The following MYCBP2 variants were observed in gnomAD, a reference collection of about 807,000 sequenced individuals.
MYCBP2 encodes MYC binding protein 2, also known as E3 ubiquitin-protein ligase MYCBP2.
In MYCBP2, 120 loss-of-function variants were observed where a neutral mutation model predicts 525.3. That is an observed-to-expected ratio of 0.23 (90% confidence interval 0.20 to 0.27). MYCBP2 has a LOEUF of 0.27. Among genes scored for constraint, MYCBP2 ranks in the 10% least tolerant of loss-of-function variants. The pLI, the probability that MYCBP2 is intolerant of heterozygous loss-of-function variation, is 1.00. For synonymous variants in MYCBP2, 1,894 were observed against 1,955.8 expected (o/e 0.97, Z 0.83); for missense variants, 4,149 against 5,657.1 (o/e 0.73, Z 8.55).
At chr13:77,278,063 T>C (rs1278963605) in intron 4 of MYCBP2, among the ~76,000 whole-genome samples, 1 of 152,198 alleles carries the variant, frequency 6.6e-6, no homozygotes, top group Non-Finnish European at 1.5e-5. Context: ...ATTTACTTAA[T>C]GAAAGTTGCT....
chr13:77,098,164 G>C lies in MYCBP2; in HGVS notation c.8990C>G (p.Thr2997Ser). The change falls in exon 56 of 83, where the codon ACC becomes AGC. Residue 2997 changes from threonine to serine, a missense_variant. By Grantham distance (58) the Thr-to-Ser change is moderately conservative. Transcript: ENST00000544440. Reference sequence around the variant, plus strand: ...ACTCGATTTTTCTTTTTTGGGCCTGGTGTGTCTATTAGCACATTTTCGACT... The same window carrying C: ...ACTCGATTTTTCTTTTTTGGGCCTGCTGTGTCTATTAGCACATTTTCGACT... ...KISRKCANRH[T>S]RPKKEKSSFL... 6.2e-7 allele frequency: 1 copy of C among 1,613,690 alleles called. No homozygotes were observed. Among genetic ancestry groups the C allele is most frequent in the Non-Finnish European group, 8.5e-7 (1 of 1,179,782 alleles).
chr13:77,046,164 A>C (rs1314923537), intron 82 of MYCBP2, among the ~76,000 whole-genome samples: 1 of 152,172 alleles, frequency 6.6e-6, no homozygotes, highest in Admixed American at 6.5e-5. Flanking sequence ...TGTACCAAAA[A>C]CAGTATTTTA....
rs941666375 is a variant in MYCBP2 at position 77,077,532 on chromosome 13, T to C, written c.11485-145A>G. 9.5e-6 allele frequency: 9 copies of C among 942,468 alleles called. No individual in the cohort carries two copies. In the African/African-American group the frequency reaches 1.3e-4, roughly 14 times the overall value. The allele number at this position is 942,468 out of a possible 1,614,324, so 58.4% of individuals were successfully genotyped here. ...TGAGGTTATTTCACACTGATTTTCT[T>C]ATTTCAACCAGGTGAAGATAAGTAA... On this transcript the variant is annotated intron_variant, in intron 66 of 82. Coordinates refer to ENST00000544440, the MANE Select transcript of MYCBP2 (RefSeq NM_015057.5).
At chr13:77,274,014 C>T (rs950695558) in intron 4 of MYCBP2, among the ~76,000 whole-genome samples, 9 of 152,096 alleles carry the variant, frequency 5.9e-5, no homozygotes, top group African/African-American at 2.2e-4. Flanking sequence ...GATTAGGAGG[C>T]TTCTTAAAAT....
chr13:77,241,978 A>G (rs2068914236), intron 17 of MYCBP2, among the ~76,000 whole-genome samples: 1 of 152,204 alleles, frequency 6.6e-6, no homozygotes, highest in Non-Finnish European at 1.5e-5. Flanking sequence ...TGCCTATTGG[A>G]GGAATAAAAT....
chr13:77,262,289 G>A (rs530129239), intron 10 of MYCBP2, among the ~76,000 whole-genome samples, 160 bp from the exon 11 acceptor site: 1 of 151,996 alleles, frequency 6.6e-6, no homozygotes, highest in East Asian at 1.9e-4. Flanking sequence ...TTAACCATAG[G>A]TATAGTACTC....
chr13:77,097,842 G>C lies in MYCBP2; in HGVS notation c.9312C>G (p.Pro3104=). The change falls in exon 56 of 83, where the codon CCC becomes CCG. Residue 3104 remains proline (P), a synonymous_variant. Coordinates refer to ENST00000544440, the MANE Select transcript of MYCBP2 (RefSeq NM_015057.5). ...CCATCTTAGATATATCTGGTCCATG[G>C]GGTGCAATATTAAACATATTCAGTG... is the stretch of plus-strand genomic sequence containing the variant. ...SSALNMFNIA[P]HGPDISKMGS... is the part of the protein sequence containing the mutation. The C allele has an allele frequency of 1.9e-6, 3 of 1,613,536 alleles. No homozygotes were observed. The highest frequency in any genetic ancestry group is 2.5e-6 in the Non-Finnish European group (3 of 1,179,806).
chr13:77,139,305 A>T lies in MYCBP2; in HGVS notation c.7550T>A (p.Leu2517Gln). ...IHNDDGVWLR[L>Q]NDETIKKYVP... ...ATACTTCTTTATTGTCTCATCATTC[A>T]GCCTCAGCCACACACCATCATCATT... The change falls in exon 52 of 83, where the codon CTG becomes CAG. Residue 2517 changes from leucine (L) to glutamine (Q), a missense_variant. By Grantham distance (113) the Leu-to-Gln change is moderately radical (BLOSUM62 -2). Coordinates refer to ENST00000544440, the MANE Select transcript of MYCBP2 (RefSeq NM_015057.5). 6.2e-7 allele frequency: 1 copy of T among 1,613,776 alleles called. No homozygotes were observed. Among genetic ancestry groups the T allele is most frequent in the Non-Finnish European group, 8.5e-7 (1 of 1,179,734 alleles).
At position 77,044,821 on chromosome 13, in the gene MYCBP2, TA is replaced by T; in HGVS notation, c.*556del. On this transcript the variant is annotated 3_prime_UTR_variant, in exon 83 of 83. Transcript: ENST00000544440. ...AAATGAAATTGCATTTGTAATTTAG[TA>T]ATTCTTATACAGGACAAACATTGAT... 1.3e-5 allele frequency: 5 copies of T among 398,916 alleles called. No individual in the cohort carries two copies. The highest frequency in any genetic ancestry group is 2.2e-5 in the Non-Finnish European group (5 of 226,020). 24.7% of individuals were successfully genotyped at this position (398,916 alleles called of 1,614,324 possible).
intron 1 of MYCBP2, among the ~76,000 whole-genome samples, chr13:77,308,579 C>G (rs1488964320): frequency 1.3e-5 from 2 of 152,160 alleles, no homozygotes; most frequent in Non-Finnish European, 2.9e-5. Context: ...AAGTGCTAAA[C>G]ACATTTTTAT....
intron 68 of MYCBP2, among the ~76,000 whole-genome samples, chr13:77,071,271 G>GCACA (rs71814048): frequency 0.099 from 14,157 of 142,616 alleles, 835 homozygotes; most frequent in Middle Eastern, 0.15. Context: ...GTGTGCACAC[G>GCACA]CACACACACA....
At chr13:77,131,313 T>C (rs1208466257) in intron 52 of MYCBP2, among the ~76,000 whole-genome samples, 1 of 152,000 alleles carries the variant, frequency 6.6e-6, no homozygotes, top group Non-Finnish European at 1.5e-5. Flanking sequence ...ATCCAGGAGT[T>C]CGAGACCAGC....
chr13:77,181,939 T>G lies in MYCBP2; in HGVS notation c.4720-17A>C. ...TTGGATATCCTTTTAAAAACAAAAA[T>G]ATGGCCCCCCAACCAAAAAATATAG... is the stretch of plus-strand genomic sequence containing the variant. On this transcript the variant is annotated splice_polypyrimidine_tract_variant and intron_variant, in intron 32 of 82. Transcript: ENST00000544440. 2 of 1,602,992 alleles carry G rather than the reference T, an allele frequency of 1.2e-6. No individual in the cohort carries two copies. Among genetic ancestry groups the G allele is most frequent in the Non-Finnish European group, 1.7e-6 (2 of 1,173,384 alleles).
intron 8 of MYCBP2, among the ~76,000 whole-genome samples, chr13:77,265,608 A>G (rs1283919792): frequency 1.3e-5 from 2 of 152,162 alleles, no homozygotes; most frequent in Non-Finnish European, 2.9e-5. Context: ...TACCTGATTT[A>G]TGTCAACTTG....
intron 73 of MYCBP2, among the ~76,000 whole-genome samples, chr13:77,063,021 A>C (rs1796007077): frequency 6.6e-6 from 1 of 152,240 alleles, no homozygotes; most frequent in Non-Finnish European, 1.5e-5. Flanking sequence ...GGCATATTTA[A>C]TATTTACTAC....
chr13:77,268,752 C>T (rs1366991269), intron 7 of MYCBP2, among the ~76,000 whole-genome samples: 2 of 151,252 alleles, frequency 1.3e-5, no homozygotes, highest in Non-Finnish European at 2.9e-5. Flanking sequence ...GCATTCCAGC[C>T]TCAGCGACAA....
intron 52 of MYCBP2, among the ~76,000 whole-genome samples, chr13:77,135,993 G>A (rs1172505307): frequency 1.3e-5 from 2 of 151,932 alleles, no homozygotes; most frequent in Admixed American, 6.6e-5. Flanking sequence ...CCACCACCAC[G>A]CCTGGCTAAT....
At chr13:77,270,852 A>G (rs2074775728) in intron 5 of MYCBP2, among the ~76,000 whole-genome samples, 1 of 151,980 alleles carries the variant, frequency 6.6e-6, no homozygotes, top group Non-Finnish European at 1.5e-5. Flanking sequence ...AGATTTTGTC[A>G]TTCTCGATCC....
At chr13:77,247,760 C>A (rs2070313954) in intron 15 of MYCBP2, among the ~76,000 whole-genome samples, 2 of 152,146 alleles carry the variant, frequency 1.3e-5, no homozygotes, top group African/African-American at 4.8e-5. Flanking sequence ...AATCTTCCTT[C>A]ACATATATGG....
Sources: allele counts gnomAD v4.1 joint callset (sites outside exome capture counted in the v4.1 genomes callset), GRCh38; gene constraint gnomAD v4.1.1; transcripts MANE v1.5; gene names NCBI Gene and HGNC (gene_info 2026-07-23, HGNC 2026-07-21).